NXPE3: variants seen among roughly 807,000 people sequenced by gnomAD.
NXPE3 encodes the protein neurexophilin and PC-esterase domain family member 3, also known as NXPE family member 3.
Under a neutral mutation model 46.1 loss-of-function variants are expected in NXPE3, and 26 were observed. The observed-to-expected ratio is 0.56, with a 90% confidence interval of 0.41 to 0.78. The LOEUF (loss-of-function observed/expected upper bound fraction) is 0.78. Among genes scored for constraint, NXPE3 ranks in the 30% least tolerant of loss-of-function variants. The probability of loss-of-function intolerance (pLI) is 0.00; values close to 1 mark genes in which losing one functional copy is unlikely to be tolerated. For synonymous variants in NXPE3, 272 were observed against 257.9 expected, an observed-to-expected ratio of 1.05 and a Z score of -0.52; for missense variants, 620 against 686.0, an observed-to-expected ratio of 0.90 and a Z score of 1.07.
rs1315434771 is a variant in NXPE3 at position 101,798,599 on chromosome 3, TA to T, written c.94-2635del. Among the ~76,000 whole-genome samples, 4 of 128,348 alleles carry T rather than the reference TA, an allele frequency of 3.1e-5. 1 individual carries two copies. In the South Asian group the frequency reaches 9.7e-4, roughly 31 times the overall value. 84.2% of individuals were successfully genotyped at this position (128,348 alleles called of 152,430 possible). On this transcript the variant is annotated intron_variant, in intron 4 of 7. Coordinates refer to ENST00000273347, the MANE Select transcript of NXPE3 (RefSeq NM_145037.4). ...ATATATGTGTGTCTATATATATATA[TA>T]TATTTTTTTTTTTTTTCTTTTAAAG...
Position 101,817,020 on chromosome 3 carries a change from G to T in NXPE3, c.1129+19G>T. Reference sequence around the variant, plus strand: ...GTTCCAGGTTGGTACTGTGCCTTTTGTTTCGTAACTCTTTCCCACATCAGC... The same window carrying T: ...GTTCCAGGTTGGTACTGTGCCTTTTTTTTCGTAACTCTTTCCCACATCAGC... On this transcript the variant is annotated intron_variant, in intron 7 of 7. Transcript: ENST00000273347. 1 of 1,603,438 alleles carries T rather than the reference G, an allele frequency of 6.2e-7. No homozygotes were observed. Among genetic ancestry groups the T allele is most frequent in the Middle Eastern group, 1.7e-4 (1 of 6,038 alleles).
At chr3:101,820,262 A>G (rs1255254394) in intron 7 of NXPE3, among the ~76,000 whole-genome samples, 1 of 152,258 alleles carries the variant, frequency 6.6e-6, no homozygotes, top group South Asian at 2.1e-4. Context: ...GCCAACAAAC[A>G]TATGAAGAAA....
At chr3:101,800,851 TTC>T (rs1417210049) in intron 4 of NXPE3, among the ~76,000 whole-genome samples, 1 of 152,208 alleles carries the variant, frequency 6.6e-6, no homozygotes, top group Non-Finnish European at 1.5e-5. Flanking sequence ...TGGTATATCT[TTC>T]TCCATTCCTT....
intron 1 of NXPE3, among the ~76,000 whole-genome samples, chr3:101,780,446 C>A (rs2107222697): frequency 6.6e-6 from 1 of 152,286 alleles, no homozygotes; most frequent in South Asian, 2.1e-4. Flanking sequence ...ATTTAAGTTA[C>A]AATTCAAACA....
intron 3 of NXPE3, 70 bp from the exon 4 acceptor site, chr3:101,785,332 G>C: frequency 2.6e-6 from 1 of 386,576 alleles, no homozygotes; most frequent in East Asian, 5.1e-5. Flanking sequence ...GAGGAAATGT[G>C]ATGTTTTTCC....
intron 4 of NXPE3, among the ~76,000 whole-genome samples, chr3:101,797,822 G>C (rs113780990): frequency 0.17 from 5,217 of 30,128 alleles, 485 homozygotes; most frequent in East Asian, 0.22. Context: ...TCCAGTCTAT[G>C]ATTGTTGGAC....
intron 6 of NXPE3, among the ~76,000 whole-genome samples, chr3:101,812,278 C>T (rs1230159596): frequency 6.6e-6 from 1 of 152,150 alleles, no homozygotes; most frequent in African/African-American, 2.4e-5. Flanking sequence ...CAACTACTTT[C>T]CAATTACTGG....
chr3:101,801,388 G>A lies in NXPE3; in HGVS notation c.247G>A (p.Ala83Thr), dbSNP rs375011498. ...QERMEEDSLLAALHRQVPDVG... is the reference protein window; with the variant it reads ...QERMEEDSLLTALHRQVPDVG... ...GCGCATGGAGGAGGACTCCTTGCTG[G>A]CTGCCTTGCACCGGCAGGTTCCTGA... Residue 83 changes from alanine (A) to threonine (T), a missense_variant, in exon 5 of 8, where the codon GCT becomes ACT. By Grantham distance (58) the Ala-to-Thr change is moderately conservative (BLOSUM62 0). Transcript: ENST00000273347. 1.2e-6 allele frequency: 2 copies of A among 1,614,082 alleles called. No individual in the cohort carries two copies. The highest frequency in any genetic ancestry group is 1.7e-6 in the Non-Finnish European group (2 of 1,180,046).
At chr3:101,795,428 G>T (rs1363238315) in intron 4 of NXPE3, among the ~76,000 whole-genome samples, 1 of 151,162 alleles carries the variant, frequency 6.6e-6, no homozygotes, top group East Asian at 1.9e-4. Flanking sequence ...TGAGACATGA[G>T]AATCACTTGA....
chr3:101,820,808 C>T (rs138101204), intron 7 of NXPE3, among the ~76,000 whole-genome samples: 564 of 152,148 alleles, frequency 3.7e-3, no homozygotes, highest in Admixed American at 6.0e-3. Flanking sequence ...CACTTATAAG[C>T]GGGAGCTAAA....
intron 4 of NXPE3, among the ~76,000 whole-genome samples, chr3:101,794,027 G>T (rs527702635): frequency 1.3e-5 from 2 of 151,512 alleles, no homozygotes; most frequent in Admixed American, 1.3e-4. Flanking sequence ...GGCTCATCTC[G>T]TTTGTTTACT....
At chr3:101,804,567 GAAAAGA>G (rs369780409) in intron 5 of NXPE3, among the ~76,000 whole-genome samples, 8 of 152,288 alleles carry the variant, frequency 5.3e-5, no homozygotes, top group Middle Eastern at 3.4e-3. Flanking sequence ...AAGGCCATCT[GAAAAGA>G]AAAAGAAAAA....
Position 101,822,797 on chromosome 3 carries a change from A to G in NXPE3, c.*843A>G, listed in dbSNP as rs1942313860. 3 of 151,410 alleles carry G rather than the reference A, an allele frequency of 2.0e-5. No individual in the cohort carries two copies. The South Asian group carries it at 6.2e-4, about 32-fold the overall frequency. 9.4% of individuals were successfully genotyped at this position (151,410 alleles called of 1,614,324 possible). ...ACTTTTGTGTAAAGAATGCTACGAT[A>G]TTATAAAGCTGTGGAAGTTTTTTCC... On this transcript the variant is annotated 3_prime_UTR_variant, in exon 8 of 8. Transcript: ENST00000273347.
chr3:101,822,021 G>A lies in NXPE3; in HGVS notation c.*67G>A, dbSNP rs1246157498. 1 of 1,451,462 alleles carries A rather than the reference G, an allele frequency of 6.9e-7. No homozygotes were observed. The highest frequency in any genetic ancestry group is 9.4e-7 in the Non-Finnish European group (1 of 1,058,264). The allele number at this position is 1,451,462 out of a possible 1,614,324, so 89.9% of individuals were successfully genotyped here. The stretch of plus-strand genomic sequence containing the variant: ...TCTCAATTGACCTGAGTTACAGAAA[G>A]TGGCCCCAGTGAGAGATGACTGCCC... On this transcript the variant is annotated 3_prime_UTR_variant, in exon 8 of 8. Coordinates refer to ENST00000273347, the MANE Select transcript of NXPE3 (RefSeq NM_145037.4).
At chr3:101,789,112 A>G (rs913378886) in intron 4 of NXPE3, among the ~76,000 whole-genome samples, 2 of 151,882 alleles carry the variant, frequency 1.3e-5, no homozygotes, top group African/African-American at 4.8e-5. Context: ...TGTTTGGTCA[A>G]TTTCCATTCT....
rs141249115 is a variant in NXPE3 at position 101,805,553 on chromosome 3, C to T, written c.849-1500C>T. On this transcript the variant is annotated intron_variant, in intron 5 of 7. Transcript: ENST00000273347. ...TCCTGGGGTCAAGTGATTCTTGTGC[C>T]TCACCCTCCCAAGTAGCTGGGAGTA... Among the ~76,000 whole-genome samples the T allele has an allele frequency of 1.6e-3, 250 of 152,016 alleles. 1 individual carries two copies. Among genetic ancestry groups the T allele is most frequent in the African/African-American group, 5.6e-3 (233 of 41,472 alleles).
In NXPE3 at chr3:101,822,839, T is replaced by G. The variant is rs907613299; in HGVS notation, c.*885T>G. ...GTTTTTTCCACTAGTTTCAGGTGTTTTTTTTTTTGTTGTTGTTGTTGTTAT... is the reference window on the plus strand; with the variant it reads ...GTTTTTTCCACTAGTTTCAGGTGTTGTTTTTTTTGTTGTTGTTGTTGTTAT... On this transcript the variant is annotated 3_prime_UTR_variant, in exon 8 of 8. Coordinates refer to ENST00000273347, the MANE Select transcript of NXPE3 (RefSeq NM_145037.4). The G allele has an allele frequency of 1.6e-5, 2 of 123,986 alleles. No individual in the cohort carries two copies. The highest frequency in any genetic ancestry group is 5.9e-5 in the African/African-American group (2 of 34,074). The allele number at this position is 123,986 out of a possible 1,614,324, so 7.7% of individuals were successfully genotyped here. A position where few individuals can be genotyped will look rare whatever the true frequency, so the allele number is the denominator to read the frequency against.
Position 101,828,049 on chromosome 3 carries a change from C to T in NXPE3, c.*6095C>T, listed in dbSNP as rs1272347292. 1 of 152,194 alleles carries T rather than the reference C, an allele frequency of 6.6e-6. No homozygotes were observed. The highest frequency in any genetic ancestry group is 6.5e-5 in the Admixed American group (1 of 15,272). 9.4% of individuals were successfully genotyped at this position (152,194 alleles called of 1,614,324 possible). A position where few individuals can be genotyped will look rare whatever the true frequency, so the allele number is the denominator to read the frequency against. The stretch of plus-strand genomic sequence containing the variant: ...AGAGAAAAAGGCTGCTTAGCTGCTG[C>T]TTATCATGTAACCTCAAAAGGAAAC... On this transcript the variant is annotated 3_prime_UTR_variant, in exon 8 of 8. Coordinates refer to ENST00000273347, the MANE Select transcript of NXPE3 (RefSeq NM_145037.4).
intron 4 of NXPE3, among the ~76,000 whole-genome samples, chr3:101,798,705 T>C (rs1348980579): frequency 1.3e-5 from 2 of 151,630 alleles, no homozygotes; most frequent in Non-Finnish European, 2.9e-5. Context: ...CTCTGCCTCC[T>C]GGGTTCAAGC....
Sources: gnomAD v4.1 joint callset for allele counts (sites outside exome capture counted in the v4.1 genomes callset) on GRCh38, gnomAD v4.1.1 for gene constraint, MANE v1.5 for transcripts, NCBI Gene and HGNC (gene_info 2026-07-23, HGNC 2026-07-21) for gene names.